NCKAP5: variants seen among roughly 807,000 people sequenced by gnomAD.
The protein encoded by NCKAP5 is NCK associated protein 5, also known as nck-associated protein 5.
Under a neutral mutation model 167.0 loss-of-function variants are expected in NCKAP5, and 92 were observed. The observed-to-expected ratio is 0.55, with a 90% CI of 0.47 to 0.66. The LOEUF is 0.66. Ranked by LOEUF, NCKAP5 falls within the 30% of genes least tolerant of loss-of-function variation. NCKAP5 has a pLI of 0.00. For missense variants in NCKAP5, 2,378 were observed against 2,315.0 expected (o/e 1.03, Z -0.56); for synonymous variants, 891 against 877.4 (o/e 1.02, Z -0.27).
At chr2:133,215,842 T>C (rs1368798242) in intron 4 of NCKAP5, among the ~76,000 whole-genome samples, 1 of 152,138 alleles carries the variant, frequency 6.6e-6, no homozygotes, top group African/African-American at 2.4e-5. Context: ...TAAAACTGTC[T>C]CTATTTACAG....
chr2:132,943,779 C>T (rs1697478249), intron 8 of NCKAP5, among the ~76,000 whole-genome samples: 1 of 152,182 alleles, frequency 6.6e-6, no homozygotes, highest in Non-Finnish European at 1.5e-5. Flanking sequence ...CCAGGTAAAA[C>T]TTAACTGAAG....
chr2:132,674,602 G>T (rs1684185711), intron 19 of NCKAP5, among the ~76,000 whole-genome samples: 1 of 152,162 alleles, frequency 6.6e-6, no homozygotes, highest in Non-Finnish European at 1.5e-5. Context: ...ACTCAACAAG[G>T]TTGCAATGAG....
intron 3 of NCKAP5, among the ~76,000 whole-genome samples, chr2:133,395,074 G>T (rs1413808681): frequency 6.6e-6 from 1 of 152,198 alleles, no homozygotes; most frequent in Non-Finnish European, 1.5e-5. Context: ...AATAATTTAT[G>T]TAACACATTA....
At chr2:133,337,330 C>T (rs1343898494) in intron 3 of NCKAP5, among the ~76,000 whole-genome samples, 1 of 152,128 alleles carries the variant, frequency 6.6e-6, no homozygotes, top group East Asian at 1.9e-4. Context: ...AGATTCAGGA[C>T]AACTTGAGAT....
chr2:132,907,499 T>C (rs954079496), intron 8 of NCKAP5, among the ~76,000 whole-genome samples: 1 of 152,168 alleles, frequency 6.6e-6, no homozygotes, highest in Non-Finnish European at 1.5e-5. Context: ...CACATTTTCC[T>C]CTTTGTAGGT....
At chr2:132,799,103 G>A (rs944951354) in intron 11 of NCKAP5, among the ~76,000 whole-genome samples, 3 of 152,016 alleles carry the variant, frequency 2.0e-5, no homozygotes, top group Admixed American at 6.6e-5. Flanking sequence ...GCAGCAACAC[G>A]AATCCAGCTA....
intron 5 of NCKAP5, among the ~76,000 whole-genome samples, chr2:133,131,559 GT>G (rs536238829): frequency 2.0e-5 from 3 of 152,208 alleles, no homozygotes; most frequent in African/African-American, 7.2e-5. Context: ...AAATATATTT[GT>G]TTATTGATTC....
chr2:133,505,849 T>G (rs1238264855), intron 3 of NCKAP5, among the ~76,000 whole-genome samples: 1 of 152,218 alleles, frequency 6.6e-6, no homozygotes, highest in East Asian at 1.9e-4. Flanking sequence ...TGATAGAAAT[T>G]TTGGAGTTTA....
At chr2:132,838,664 A>G (rs924138601) in intron 11 of NCKAP5, among the ~76,000 whole-genome samples, 2 of 151,942 alleles carry the variant, frequency 1.3e-5, no homozygotes, top group African/African-American at 4.8e-5. Flanking sequence ...AATAAATAAA[A>G]TCACTCATCT....
At chr2:133,135,849 T>TA in intron 5 of NCKAP5, among the ~76,000 whole-genome samples, 1 of 152,204 alleles carries the variant, frequency 6.6e-6, no homozygotes, top group Non-Finnish European at 1.5e-5. Flanking sequence ...AAGTCCTATA[T>TA]AAAAATAAAA....
chr2:132,794,329 A>AAG (rs1381314716), intron 12 of NCKAP5, among the ~76,000 whole-genome samples: 3 of 46,454 alleles, frequency 6.5e-5, no homozygotes, highest in Non-Finnish European at 1.0e-4. Flanking sequence ...GAGAGAGAGA[A>AAG]AGAGAGAGAG....
At chr2:133,431,709 A>AT (rs1449053660) in intron 3 of NCKAP5, 1 of 152,156 alleles carries the variant, frequency 6.6e-6, no homozygotes, top group Non-Finnish European at 1.5e-5. Context: ...ATTTGTAGCA[A>AT]TCATACCTAT....
chr2:133,616,952 C>A, the NCKAP5 span, among the ~76,000 whole-genome samples: 3 of 152,186 alleles, frequency 2.0e-5, no homozygotes, highest in African/African-American at 7.2e-5. Context: ...AGGTTATCCA[C>A]CATGATCAAG....
intron 3 of NCKAP5, among the ~76,000 whole-genome samples, chr2:133,406,451 G>C (rs1181599616): frequency 6.6e-6 from 1 of 152,130 alleles, no homozygotes; most frequent in African/African-American, 2.4e-5. Context: ...GGAGAATAGA[G>C]AGGGCAAAGG....
At position 132,796,611 on chromosome 2, in the gene NCKAP5, G is replaced by T. The variant is rs753965132; in HGVS notation, c.909+17C>A. On this transcript the variant is annotated intron_variant, in intron 12 of 19. Transcript: ENST00000409261. ...AACCACCAAAACAAGTGTTCTGAAG[G>T]CAACTGGGAAACTCACGTGCACCTC... 3.8e-6 allele frequency: 6 copies of T among 1,579,664 alleles called. No individual in the cohort carries two copies. The Admixed American group carries it at 1.0e-4, about 27-fold the overall frequency.
chr2:133,490,870 G>T (rs1046515246), intron 3 of NCKAP5, among the ~76,000 whole-genome samples: 3 of 152,198 alleles, frequency 2.0e-5, no homozygotes, highest in Non-Finnish European at 4.4e-5. Context: ...CTGGCTGTTT[G>T]CTTTGTATTT....
intron 6 of NCKAP5, among the ~76,000 whole-genome samples, chr2:133,061,872 C>T (rs2080017125): frequency 1.3e-5 from 2 of 152,182 alleles, no homozygotes; most frequent in African/African-American, 2.4e-5. Flanking sequence ...CTCACCACCT[C>T]CTAAACACCT....
intron 9 of NCKAP5, among the ~76,000 whole-genome samples, chr2:132,873,351 G>C (rs1408760834): frequency 6.6e-6 from 1 of 152,098 alleles, no homozygotes; most frequent in Non-Finnish European, 1.5e-5. Context: ...CTGACCTCAT[G>C]ATCCGCCCGC....
intron 19 of NCKAP5, chr2:132,714,757 G>C: frequency 1.0e-5 from 4 of 400,602 alleles, no homozygotes; most frequent in Non-Finnish European, 2.0e-5. Flanking sequence ...AGGTTGCAGT[G>C]AGCCGAGATC....
Sources: gnomAD v4.1 joint callset for allele counts (sites outside exome capture counted in the v4.1 genomes callset) on GRCh38, gnomAD v4.1.1 for gene constraint, MANE v1.5 for transcripts, NCBI Gene and HGNC (gene_info 2026-07-23, HGNC 2026-07-21) for gene names.